KIF6: variants seen among roughly 807,000 people sequenced by gnomAD.
KIF6 encodes the protein kinesin-like protein KIF6.
Under a neutral mutation model 112.7 loss-of-function variants are expected in KIF6, and 106 were observed. The ratio of observed to expected loss-of-function variants is 0.94; its 90% CI spans 0.80 to 1.11. The LOEUF is 1.11. Ranked by LOEUF, KIF6 falls within the 50% of genes least tolerant of loss-of-function variation. The pLI is 0.00. For missense variants in KIF6, 929 were observed against 964.0 expected, an observed-to-expected ratio of 0.96 and a Z score of 0.48; for synonymous variants, 339 against 339.9, an observed-to-expected ratio of 1.00 and a Z score of 0.03.
intron 5 of KIF6, among the ~76,000 whole-genome samples, chr6:39,614,354 T>G (rs1783389065): frequency 6.6e-6 from 1 of 152,224 alleles, no homozygotes; most frequent in Admixed American, 6.5e-5. Flanking sequence ...AAGTAAATGT[T>G]GGCATCATCC....
chr6:39,689,745 C>T (rs967121359), intron 3 of KIF6, among the ~76,000 whole-genome samples: 14 of 152,104 alleles, frequency 9.2e-5, no homozygotes, highest in African/African-American at 2.9e-4. Context: ...ACTGGACCCA[C>T]AGGCATACAC....
intron 10 of KIF6, among the ~76,000 whole-genome samples, chr6:39,561,037 C>A (rs1779980976): frequency 6.6e-6 from 1 of 152,176 alleles, no homozygotes. Context: ...TGACTGGGGG[C>A]ACTTATGGAC....
intron 5 of KIF6, among the ~76,000 whole-genome samples, chr6:39,621,232 CGT>C (rs752432499): frequency 0.12 from 11,343 of 92,076 alleles, 472 homozygotes; most frequent in South Asian, 0.23. Flanking sequence ...CACACACACA[CGT>C]ACACATATAT....
At chr6:39,507,566 A>G (rs1403566422) in intron 13 of KIF6, among the ~76,000 whole-genome samples, 1 of 151,904 alleles carries the variant, frequency 6.6e-6, no homozygotes, top group Non-Finnish European at 1.5e-5. Flanking sequence ...CCACAAGGCC[A>G]TAACCTACCA....
intron 3 of KIF6, among the ~76,000 whole-genome samples, chr6:39,702,696 C>A (rs1788940653): frequency 6.6e-6 from 1 of 152,172 alleles, no homozygotes; most frequent in African/African-American, 2.4e-5. Flanking sequence ...GCCACCAAGG[C>A]AGTCAGGATC....
chr6:39,360,246 CTTG>C (rs2150256953), intron 18 of KIF6, 146 bp downstream of exon 18: 1 of 789,510 alleles, frequency 1.3e-6, no homozygotes, highest in East Asian at 2.8e-5. Context: ...TTTTGTCATC[CTTG>C]TTACTACAGT....
At chr6:39,628,266 G>GTA (rs1561877483) in intron 5 of KIF6, among the ~76,000 whole-genome samples, 1 of 151,806 alleles carries the variant, frequency 6.6e-6, no homozygotes, top group Admixed American at 6.6e-5. Flanking sequence ...GTGTGTGTGT[G>GTA]TATACATTTT....
intron 13 of KIF6, among the ~76,000 whole-genome samples, chr6:39,478,629 G>T (rs1774597396): frequency 1.3e-5 from 2 of 151,374 alleles, no homozygotes; most frequent in Admixed American, 1.3e-4. Flanking sequence ...TTTCCATGGT[G>T]GTTGTTCTAG....
Position 39,576,153 on chromosome 6 carries a change from A to G in KIF6, c.1181+1903T>C, listed in dbSNP as rs190809829. ...ACTGATTTTTTTTTCTTTTTTTGAG[A>G]TGGAGTTTCACTCCATGCTGGAGTG... On this transcript the variant is annotated intron_variant, in intron 10 of 22. Coordinates refer to ENST00000287152, the MANE Select transcript of KIF6 (RefSeq NM_145027.6). 2.0e-5 allele frequency among the ~76,000 whole-genome samples: 3 copies of G among 151,978 alleles called. No individual in the cohort carries two copies. In the East Asian group the frequency reaches 5.8e-4, roughly 29 times the overall value.
chr6:39,457,665 A>G (rs990750615), intron 13 of KIF6, among the ~76,000 whole-genome samples: 8 of 152,052 alleles, frequency 5.3e-5, no homozygotes, highest in Admixed American at 1.3e-4. Flanking sequence ...TCAAATAGAC[A>G]CGATAAAAAA....
chr6:39,725,250 G>T lies in KIF6; in HGVS notation c.61C>A (p.Gln21Lys), dbSNP rs756887757. Reference protein sequence around the residue: ...RVKPPVRKHQQGIYSIDEDEK... With the variant: ...RVKPPVRKHQKGIYSIDEDEK... ...CCGGAGGCTCCAGCCCGTACCCCTT[G>T]TTGGTGCTTCCGGACAGGGGGCTTC... Residue 21 changes from glutamine to lysine, a missense_variant, in exon 1 of 23, where the codon CAA becomes AAA. This residue lies in a region of KIF6 where 688 missense variants were observed against 662.7 expected (regional missense o/e 1.04). Transcript: ENST00000287152. 1 of 1,609,364 alleles carries T rather than the reference G, an allele frequency of 6.2e-7. No individual in the cohort carries two copies. The highest frequency in any genetic ancestry group is 8.5e-7 in the Non-Finnish European group (1 of 1,178,268).
chr6:39,525,349 T>G (rs781651491), intron 13 of KIF6, among the ~76,000 whole-genome samples: 1 of 152,150 alleles, frequency 6.6e-6, no homozygotes, highest in Non-Finnish European at 1.5e-5. Flanking sequence ...CTACTGTACT[T>G]GGGCCCCAGA....
At chr6:39,439,631 G>T (rs1016801259) in intron 13 of KIF6, among the ~76,000 whole-genome samples, 1 of 152,128 alleles carries the variant, frequency 6.6e-6, no homozygotes, top group African/African-American at 2.4e-5. Flanking sequence ...TCAGCCTCAG[G>T]GTTGGGTTTC....
chr6:39,391,963 G>A (rs1415747171), intron 15 of KIF6, among the ~76,000 whole-genome samples: 1 of 152,162 alleles, frequency 6.6e-6, no homozygotes, highest in Non-Finnish European at 1.5e-5. Flanking sequence ...ATATATATGT[G>A]TGTGTGTGTG....
intron 15 of KIF6, among the ~76,000 whole-genome samples, chr6:39,388,860 T>C (rs9380853): frequency 0.12 from 18,388 of 151,898 alleles, 2,222 homozygotes; most frequent in African/African-American, 0.31. Flanking sequence ...GGGAGGGAAG[T>C]AGGGAGCCCA....
chr6:39,588,534 AT>A (rs1251901858), intron 7 of KIF6, among the ~76,000 whole-genome samples: 5 of 152,070 alleles, frequency 3.3e-5, no homozygotes, highest in Non-Finnish European at 7.4e-5. Flanking sequence ...TTTTAAATGC[AT>A]TTATATCCTG....
intron 13 of KIF6, among the ~76,000 whole-genome samples, chr6:39,444,839 A>G (rs888017661): frequency 6.6e-6 from 1 of 152,204 alleles, no homozygotes; most frequent in Non-Finnish European, 1.5e-5. Flanking sequence ...TAAAAAAAAA[A>G]AAAAGGAAAT....
At chr6:39,449,065 C>CCT (rs1772518328) in intron 13 of KIF6, among the ~76,000 whole-genome samples, 1 of 152,200 alleles carries the variant, frequency 6.6e-6, no homozygotes, top group South Asian at 2.1e-4. Flanking sequence ...ATGCCTTACA[C>CCT]CTCTCTGCTT....
At position 39,373,891 on chromosome 6, in the gene KIF6, CT is replaced by C. The variant is rs535835047; in HGVS notation, c.1862-11374del. On this transcript the variant is annotated intron_variant, in intron 16 of 22. Coordinates refer to ENST00000287152, the MANE Select transcript of KIF6 (RefSeq NM_145027.6). ...ATAGAAAAAAAATCCTAACGTTCAT[CT>C]GGAACCACAAAAGACCTTCAATAGT... Among the ~76,000 whole-genome samples the C allele has an allele frequency of 2.3e-3, 343 of 152,260 alleles. 6 individuals carry two copies. The highest frequency in any genetic ancestry group is 4.4e-3 in the Non-Finnish European group (302 of 68,006).
Sources: allele counts gnomAD v4.1 joint callset (sites outside exome capture counted in the v4.1 genomes callset), GRCh38; gene constraint gnomAD v4.1.1; regional missense constraint gnomAD v4.1.1; transcripts MANE v1.5; gene names NCBI Gene and HGNC (gene_info 2026-07-23, HGNC 2026-07-21).